The following RANBP17 variants were observed in gnomAD, a reference collection of about 807,000 sequenced individuals.
RANBP17 encodes the protein ran-binding protein 17.
In RANBP17, 158 loss-of-function variants were observed where a neutral mutation model predicts 141.2. The ratio of observed to expected loss-of-function variants is 1.12; its 90% CI spans 0.98 to 1.28. The LOEUF (loss-of-function observed/expected upper bound fraction) is 1.28. RANBP17 is among the 50% of genes most tolerant of loss of function. The probability of loss-of-function intolerance (pLI) is 0.00; values close to 1 mark genes in which losing one functional copy is unlikely to be tolerated. For missense variants in RANBP17, 1,438 were observed against 1,290.7 expected (o/e 1.11, Z -1.75); for synonymous variants, 430 against 450.0 (o/e 0.96, Z 0.56).
chr5:171,060,451 A>G (rs1299023331), intron 14 of RANBP17, among the ~76,000 whole-genome samples: 17 of 152,020 alleles, frequency 1.1e-4, no homozygotes, highest in Non-Finnish European at 2.1e-4. Flanking sequence ...TTCTGTTTAT[A>G]TGCTGGATTA....
intron 5 of RANBP17, among the ~76,000 whole-genome samples, chr5:170,905,101 C>G (rs918118207): frequency 3.3e-5 from 5 of 151,828 alleles, no homozygotes; most frequent in Non-Finnish European, 5.9e-5. Context: ...CAAAACAGGC[C>G]TTTTTTCACT....
At chr5:171,150,304 A>G (rs971455773) in intron 14 of RANBP17, among the ~76,000 whole-genome samples, 9 of 152,060 alleles carry the variant, frequency 5.9e-5, no homozygotes, top group African/African-American at 2.2e-4. Flanking sequence ...TCCCTTCCCA[A>G]TTACTTATTC....
rs758915622 is a variant in RANBP17, at chr5:170,918,701, C to G, written c.955-12C>G. 1 of 1,577,838 alleles carries G rather than the reference C, an allele frequency of 6.3e-7. No homozygotes were observed. Among genetic ancestry groups the G allele is most frequent in the East Asian group, 2.3e-5 (1 of 42,932 alleles). ...CTTGTTTTTAAGCCTTTCTTTTTGTCTCATAATTTAGGGTTTGTCTGATCC... is the reference window on the plus strand; with the variant it reads ...CTTGTTTTTAAGCCTTTCTTTTTGTGTCATAATTTAGGGTTTGTCTGATCC... On this transcript the variant is annotated splice_polypyrimidine_tract_variant and intron_variant, in intron 9 of 27. Transcript: ENST00000523189.
chr5:171,211,048 C>T (rs979550931), intron 20 of RANBP17, among the ~76,000 whole-genome samples: 1 of 148,796 alleles, frequency 6.7e-6, no homozygotes, highest in African/African-American at 2.5e-5. Flanking sequence ...TCTGGATCCC[C>T]AGCCCTTAGC....
chr5:171,229,734 T>C (rs1243478922), intron 22 of RANBP17, among the ~76,000 whole-genome samples: 1 of 126,410 alleles, frequency 7.9e-6, no homozygotes, highest in East Asian at 2.2e-4. Flanking sequence ...CTGTGAGAGA[T>C]AGGAAGATAA....
intron 21 of RANBP17, among the ~76,000 whole-genome samples, chr5:171,220,203 G>C (rs1763468352): frequency 6.6e-6 from 1 of 151,984 alleles, no homozygotes; most frequent in Admixed American, 6.6e-5. Flanking sequence ...TGTTTGCCTG[G>C]GTATCACCAG....
Position 171,145,629 on chromosome 5 carries a change from G to T in RANBP17, c.1711-24501G>T, listed in dbSNP as rs752952281. On this transcript the variant is annotated intron_variant, in intron 14 of 27. Coordinates refer to ENST00000523189, the MANE Select transcript of RANBP17 (RefSeq NM_022897.5). ...TTTATCAGCGCAATAGAGAAAGATT[G>T]CATAACAAGCGAGAACCAATTACAC... Among the ~76,000 whole-genome samples, 7 of 152,214 alleles carry T rather than the reference G, an allele frequency of 4.6e-5. No homozygotes were observed. In the South Asian group the frequency reaches 8.3e-4, roughly 18 times the overall value.
At chr5:171,101,227 A>T (rs1350304034) in intron 14 of RANBP17, among the ~76,000 whole-genome samples, 2 of 152,086 alleles carry the variant, frequency 1.3e-5, no homozygotes, top group Non-Finnish European at 2.9e-5. Flanking sequence ...ATTGTGTGGG[A>T]GTCTAAGTCT....
At chr5:171,012,749 G>A (rs146510356) in intron 14 of RANBP17, among the ~76,000 whole-genome samples, 1,774 of 152,188 alleles carry the variant, frequency 0.012, 32 homozygotes, top group African/African-American at 0.041. Context: ...GTTTTAATAG[G>A]TAGAAATAAT....
chr5:171,055,784 G>T (rs763288366), intron 14 of RANBP17, among the ~76,000 whole-genome samples: 96 of 147,476 alleles, frequency 6.5e-4, no homozygotes, highest in Non-Finnish European at 1.2e-3. Flanking sequence ...GGCTTTTATT[G>T]GCTCTGTAAG....
intron 25 of RANBP17, among the ~76,000 whole-genome samples, chr5:171,284,894 G>A (rs965574095): frequency 2.0e-5 from 3 of 152,084 alleles, no homozygotes; most frequent in African/African-American, 7.2e-5. Context: ...ACCTCATCAT[G>A]TCACCTTCTC....
chr5:171,042,307 T>C (rs1482266216), intron 14 of RANBP17, among the ~76,000 whole-genome samples: 1 of 151,990 alleles, frequency 6.6e-6, no homozygotes, highest in Non-Finnish European at 1.5e-5. Context: ...TTATATATAG[T>C]TAACTATATA....
chr5:170,878,992 G>C (rs1271371471), intron 2 of RANBP17, among the ~76,000 whole-genome samples: 51 of 152,054 alleles, frequency 3.4e-4, no homozygotes, highest in Admixed American at 3.3e-3. Flanking sequence ...ATCTAATACA[G>C]ACTTTTTAAT....
intron 3 of RANBP17, among the ~76,000 whole-genome samples, chr5:170,891,544 G>A (rs1348460771): frequency 6.6e-6 from 1 of 152,174 alleles, no homozygotes; most frequent in Non-Finnish European, 1.5e-5. Context: ...AAGAAAAGAG[G>A]TTTAATTGGC....
At chr5:171,094,633 C>T (rs191679366) in intron 14 of RANBP17, among the ~76,000 whole-genome samples, 1 of 152,254 alleles carries the variant, frequency 6.6e-6, no homozygotes, top group Admixed American at 6.5e-5. Flanking sequence ...ACTATTCCCA[C>T]CTAAGCTTGT....
rs756129095 is a variant in RANBP17, at chr5:171,170,139, C to T, written c.1720C>T (p.Arg574Cys). Residue 574 changes from arginine to cysteine, a missense_variant, in exon 15 of 28, where the codon CGT (arginine) becomes TGT (cysteine). Transcript: ENST00000523189. Reference sequence around the variant, plus strand: ...AAATGTTTTAATGCAGGTATATGCTCGTATGTCAGAAGTCTTAGGAATAAC... The same window carrying T: ...AAATGTTTTAATGCAGGTATATGCTTGTATGTCAGAAGTCTTAGGAATAAC... ...QLQRTSKVYA[R>C]MSEVLGITDD... 1.6e-5 allele frequency: 25 copies of T among 1,565,946 alleles called. No individual in the cohort carries two copies. The highest frequency in any genetic ancestry group is 1.7e-4 in the Middle Eastern group (1 of 5,910).
intron 14 of RANBP17, among the ~76,000 whole-genome samples, chr5:171,146,802 G>A (rs1485291913): frequency 6.6e-6 from 1 of 152,052 alleles, no homozygotes; most frequent in Non-Finnish European, 1.5e-5. Flanking sequence ...AATCCTTTAG[G>A]GCTAAGAAGT....
At chr5:170,964,249 CAT>C (rs1178558654) in intron 13 of RANBP17, among the ~76,000 whole-genome samples, 2 of 151,992 alleles carry the variant, frequency 1.3e-5, no homozygotes, top group African/African-American at 4.8e-5. Context: ...TATAGATGGA[CAT>C]GTGTGAAATG....
chr5:171,012,241 G>A (rs13166692), intron 14 of RANBP17, among the ~76,000 whole-genome samples: 92,881 of 151,742 alleles, frequency 0.61, 29,777 homozygotes, highest in South Asian at 0.88. Context: ...GGAGCAAAAG[G>A]CAAAATGACG....
Sources: gnomAD v4.1 joint callset for allele counts (sites outside exome capture counted in the v4.1 genomes callset) on GRCh38, gnomAD v4.1.1 for gene constraint, MANE v1.5 for transcripts, NCBI Gene and HGNC (gene_info 2026-07-23, HGNC 2026-07-21) for gene names.